The following SLC39A11 variants were observed in gnomAD, a reference collection of about 807,000 sequenced individuals.
The protein encoded by SLC39A11 is solute carrier family 39 member 11, also known as zinc transporter ZIP11.
SLC39A11 carries 33 observed loss-of-function variants against 36.1 expected under a neutral mutation model. The ratio of observed to expected loss-of-function variants is 0.91; its 90% CI spans 0.69 to 1.22. The LOEUF is 1.22. SLC39A11 is among the 50% of genes most tolerant of loss of function. The pLI, the probability that SLC39A11 is intolerant of heterozygous loss-of-function variation, is 0.00. For missense variants in SLC39A11, 432 were observed against 430.3 expected, an observed-to-expected ratio of 1.00 and a Z score of -0.03; for synonymous variants, 166 against 170.3, an observed-to-expected ratio of 0.97 and a Z score of 0.20.
chr17:72,858,026 G>T (rs2079750770), intron 5 of SLC39A11, among the ~76,000 whole-genome samples: 1 of 152,068 alleles, frequency 6.6e-6, no homozygotes, highest in Non-Finnish European at 1.5e-5. Flanking sequence ...TTGCTTTTGG[G>T]ATCTTTACCA....
At position 72,898,793 on chromosome 17, in the gene SLC39A11, T is replaced by C. The variant is rs150189730; in HGVS notation, c.430+48959A>G. ...ATAACACCACCCTGGTTCTCTTTTC[T>C]TTTCTGCAGCGGCAGAACCAGGTCA... On this transcript the variant is annotated intron_variant, in intron 5 of 9. Transcript: ENST00000255559. 1.7e-3 allele frequency among the ~76,000 whole-genome samples: 254 copies of C among 152,354 alleles called. 1 individual carries two copies. Among genetic ancestry groups the C allele is most frequent in the African/African-American group, 5.8e-3 (243 of 41,582 alleles).
chr17:72,723,321 AGTGTGTGTGTGTGT>A (rs10570164), intron 7 of SLC39A11, among the ~76,000 whole-genome samples: 2 of 148,446 alleles, frequency 1.3e-5, no homozygotes, highest in African/African-American at 5.0e-5. Context: ...GGAGTGTAAG[AGTGTGTGTGTGTGT>A]GTGTGTGTGT....
At chr17:72,883,192 G>C (rs1404313633) in intron 5 of SLC39A11, among the ~76,000 whole-genome samples, 2 of 152,178 alleles carry the variant, frequency 1.3e-5, no homozygotes, top group Non-Finnish European at 2.9e-5. Context: ...GCGCATGTGA[G>C]TGGAAAGTGC....
intron 7 of SLC39A11, among the ~76,000 whole-genome samples, chr17:72,723,354 T>TGTG: frequency 8.1e-6 from 1 of 123,776 alleles, no homozygotes; most frequent in African/African-American, 3.9e-5. Flanking sequence ...GTGTGTGTGT[T>TGTG]TGCAGCCTAG....
At chr17:72,889,549 A>T (rs2146693359) in intron 5 of SLC39A11, among the ~76,000 whole-genome samples, 1 of 144,310 alleles carries the variant, frequency 6.9e-6, no homozygotes, top group South Asian at 2.3e-4. Flanking sequence ...AAAAAAAAAA[A>T]ATACGTTAAA....
chr17:72,925,001 CAAA>C (rs933053304), intron 5 of SLC39A11, among the ~76,000 whole-genome samples: 7 of 68,920 alleles, frequency 1.0e-4, no homozygotes, highest in African/African-American at 2.6e-4. Flanking sequence ...GACTCCATTT[CAAA>C]AAAAAAAAAA....
intron 4 of SLC39A11, among the ~76,000 whole-genome samples, chr17:73,024,842 C>T (rs1483233512): frequency 1.3e-5 from 2 of 150,180 alleles, no homozygotes; most frequent in African/African-American, 4.9e-5. Context: ...GGATTACAGA[C>T]ACGCAACACC....
At chr17:72,672,756 G>A (rs1415400837) in intron 7 of SLC39A11, among the ~76,000 whole-genome samples, 2 of 152,022 alleles carry the variant, frequency 1.3e-5, no homozygotes, top group African/African-American at 4.8e-5. Context: ...ATGCCACCAT[G>A]CTCAGCTAAT....
At chr17:73,023,409 G>T (rs1319655432) in intron 4 of SLC39A11, among the ~76,000 whole-genome samples, 2 of 152,212 alleles carry the variant, frequency 1.3e-5, no homozygotes, top group Non-Finnish European at 2.9e-5. Flanking sequence ...AACACTGTGG[G>T]ATTCCAAGGT....
intron 6 of SLC39A11, among the ~76,000 whole-genome samples, chr17:72,810,925 C>T (rs962648670): frequency 6.6e-6 from 1 of 152,054 alleles, no homozygotes; most frequent in African/African-American, 2.4e-5. Context: ...TGGTCTTGAC[C>T]TCAGGTGATC....
intron 7 of SLC39A11, among the ~76,000 whole-genome samples, chr17:72,680,229 A>T (rs1226900874): frequency 6.6e-6 from 1 of 152,102 alleles, no homozygotes; most frequent in East Asian, 1.9e-4. Context: ...TGCTATACCC[A>T]TTAGCAGTCA....
At chr17:72,844,566 G>A (rs2078968506) in intron 6 of SLC39A11, among the ~76,000 whole-genome samples, 3 of 152,188 alleles carry the variant, frequency 2.0e-5, no homozygotes, top group South Asian at 2.1e-4. Flanking sequence ...CCACTTGAGA[G>A]GCCGAGGCAG....
intron 6 of SLC39A11, among the ~76,000 whole-genome samples, chr17:72,807,095 C>A (rs1459432498): frequency 6.6e-6 from 1 of 152,034 alleles, no homozygotes; most frequent in Non-Finnish European, 1.5e-5. Flanking sequence ...TTTTGATTTC[C>A]AAGAGCTCCT....
chr17:72,928,941 G>A (rs955513012), intron 5 of SLC39A11, among the ~76,000 whole-genome samples: 9 of 152,200 alleles, frequency 5.9e-5, no homozygotes, highest in Non-Finnish European at 1.2e-4. Flanking sequence ...GTAGGAAGTC[G>A]AATGTTAAAT....
At chr17:73,078,100 T>C (rs1185412789) in intron 3 of SLC39A11, among the ~76,000 whole-genome samples, 12 of 151,978 alleles carry the variant, frequency 7.9e-5, no homozygotes, top group African/African-American at 2.9e-4. Flanking sequence ...TAGCCGGGTG[T>C]GGTGGCGTGC....
At chr17:72,774,072 T>C (rs1437904322) in intron 6 of SLC39A11, among the ~76,000 whole-genome samples, 1 of 152,196 alleles carries the variant, frequency 6.6e-6, no homozygotes, top group Admixed American at 6.5e-5. Flanking sequence ...CCTCCGTGTC[T>C]CTCTGTTTGC....
chr17:73,075,549 T>A (rs2060291710), intron 3 of SLC39A11, among the ~76,000 whole-genome samples: 2 of 152,172 alleles, frequency 1.3e-5, no homozygotes, highest in Non-Finnish European at 2.9e-5. Context: ...AGTCAGACTA[T>A]GGGTTCAAAT....
At chr17:72,852,229 C>CAGAA (rs991573051) in intron 5 of SLC39A11, among the ~76,000 whole-genome samples, 2 of 82,436 alleles carry the variant, frequency 2.4e-5, no homozygotes, top group African/African-American at 3.9e-5. Flanking sequence ...AAAAAAAAAA[C>CAGAA]AGAAAGAAAG....
At chr17:73,019,883 A>C (rs1229663612) in intron 4 of SLC39A11, among the ~76,000 whole-genome samples, 2 of 152,214 alleles carry the variant, frequency 1.3e-5, no homozygotes, top group African/African-American at 4.8e-5. Flanking sequence ...TTAAATATAA[A>C]GACTCAGGTA....
Sources: allele counts gnomAD v4.1 joint callset (sites outside exome capture counted in the v4.1 genomes callset), GRCh38; gene constraint gnomAD v4.1.1; transcripts MANE v1.5; gene names NCBI Gene and HGNC (gene_info 2026-07-23, HGNC 2026-07-21).